Variants in FRMD5 observed in about 807,000 individuals in gnomAD.
The protein encoded by FRMD5 is FERM domain-containing protein 5.
Under a neutral mutation model 69.0 loss-of-function variants are expected in FRMD5, and 20 were observed. That is an observed-to-expected ratio of 0.29 (90% confidence interval 0.20 to 0.42). The LOEUF (loss-of-function observed/expected upper bound fraction) is 0.42, where lower values mean the gene tolerates loss of function less well. FRMD5 is among the 10% of genes least tolerant of loss of function. FRMD5 has a pLI of 1.00. For synonymous variants in FRMD5, 271 were observed against 260.1 expected (o/e 1.04, Z -0.40); for missense variants, 595 against 708.6 (o/e 0.84, Z 1.82).
chr15:43,902,502 G>T (rs977708690), intron 6 of FRMD5, among the ~76,000 whole-genome samples: 2 of 151,976 alleles, frequency 1.3e-5, no homozygotes, highest in African/African-American at 4.8e-5. Flanking sequence ...TAAACAATGG[G>T]GAGTGGTGGG....
chr15:43,923,418 G>T (rs140706264), intron 2 of FRMD5, among the ~76,000 whole-genome samples: 6 of 152,310 alleles, frequency 3.9e-5, no homozygotes, highest in African/African-American at 1.4e-4. Context: ...TTTCCCAGAG[G>T]AAGTAAAAGT....
At chr15:43,946,607 G>C (rs191076390) in intron 1 of FRMD5, among the ~76,000 whole-genome samples, 1 of 152,176 alleles carries the variant, frequency 6.6e-6, no homozygotes, top group Non-Finnish European at 1.5e-5. Context: ...GAGTCTTAGG[G>C]GAGGGAAAGG....
intron 1 of FRMD5, among the ~76,000 whole-genome samples, chr15:43,931,290 A>G (rs1203076915): frequency 6.6e-6 from 1 of 152,226 alleles, no homozygotes; most frequent in Non-Finnish European, 1.5e-5. Context: ...TCACAGCTGC[A>G]GAACTACTGG....
At chr15:44,027,135 C>G (rs1231609598) in intron 1 of FRMD5, among the ~76,000 whole-genome samples, 1 of 152,192 alleles carries the variant, frequency 6.6e-6, no homozygotes, top group East Asian at 1.9e-4. Flanking sequence ...CCAGAATTAA[C>G]CCACCACTGA....
intron 7 of FRMD5, among the ~76,000 whole-genome samples, chr15:43,892,839 C>T (rs996565113): frequency 2.6e-5 from 4 of 152,176 alleles, no homozygotes; most frequent in African/African-American, 4.8e-5. Context: ...AGCAGTGGCT[C>T]GTGCTTATAA....
At chr15:44,044,808 T>C (rs1296811175) in intron 1 of FRMD5, among the ~76,000 whole-genome samples, 1 of 152,156 alleles carries the variant, frequency 6.6e-6, no homozygotes, top group Non-Finnish European at 1.5e-5. Context: ...AAATACCTAA[T>C]GTAAATGACT....
intron 1 of FRMD5, among the ~76,000 whole-genome samples, chr15:44,104,181 T>G (rs1306798300): frequency 6.6e-6 from 1 of 152,224 alleles, no homozygotes; most frequent in African/African-American, 2.4e-5. Context: ...TAACAAAGTT[T>G]AAAAAGTAAA....
chr15:44,060,110 G>A (rs534036132), intron 1 of FRMD5, among the ~76,000 whole-genome samples: 2 of 152,188 alleles, frequency 1.3e-5, no homozygotes, highest in Non-Finnish European at 2.9e-5. Flanking sequence ...AGAAGCAGAG[G>A]TTGGAAATGA....
intron 1 of FRMD5, among the ~76,000 whole-genome samples, chr15:44,173,978 GA>G (rs1458841245): frequency 3.3e-5 from 5 of 151,858 alleles, no homozygotes; most frequent in Non-Finnish European, 7.4e-5. Context: ...GCTGATCACA[GA>G]AGTTAGGTGA....
At chr15:44,194,029 T>C (rs912442657) in intron 1 of FRMD5, among the ~76,000 whole-genome samples, 6 of 152,210 alleles carry the variant, frequency 3.9e-5, no homozygotes, top group African/African-American at 1.4e-4. Context: ...TCCTGGCTGA[T>C]GAACTAAACA....
At chr15:43,900,830 G>A (rs937057464) in intron 7 of FRMD5, among the ~76,000 whole-genome samples, 6 of 151,998 alleles carry the variant, frequency 3.9e-5, no homozygotes, top group Non-Finnish European at 8.8e-5. Context: ...TGTTGTCCAG[G>A]ATGGTCTTGA....
intron 1 of FRMD5, among the ~76,000 whole-genome samples, chr15:44,174,456 A>G (rs2077858564): frequency 6.6e-6 from 1 of 152,202 alleles, no homozygotes; most frequent in Non-Finnish European, 1.5e-5. Context: ...ATTGTCATTT[A>G]TAACCTCTGA....
intron 13 of FRMD5, among the ~76,000 whole-genome samples, chr15:43,879,296 TCTC>T (rs1375407883): frequency 1.3e-5 from 2 of 152,112 alleles, no homozygotes; most frequent in East Asian, 1.9e-4. Flanking sequence ...TATCAGTTGG[TCTC>T]CTCCCTTAAC....
intron 1 of FRMD5, among the ~76,000 whole-genome samples, chr15:44,029,182 C>A (rs1891568222): frequency 6.6e-6 from 1 of 151,996 alleles, no homozygotes; most frequent in Non-Finnish European, 1.5e-5. Flanking sequence ...CATTTTGGCA[C>A]CAAGCCAAAA....
At chr15:44,183,076 G>A (rs2078036979) in intron 1 of FRMD5, among the ~76,000 whole-genome samples, 1 of 152,122 alleles carries the variant, frequency 6.6e-6, no homozygotes, top group East Asian at 1.9e-4. Context: ...AGGATTACAG[G>A]CGTTAGCCAC....
chr15:44,095,904 C>T (rs1266862308), intron 1 of FRMD5, among the ~76,000 whole-genome samples: 6 of 152,162 alleles, frequency 3.9e-5, no homozygotes, highest in Non-Finnish European at 5.9e-5. Flanking sequence ...CTGACCTACT[C>T]TTACTACATA....
chr15:43,942,402 CATT>C lies in FRMD5; in HGVS notation c.103-18096_103-18094del, dbSNP rs563432169. Among the ~76,000 whole-genome samples the C allele has an allele frequency of 6.4e-4, 97 of 152,328 alleles. 1 individual carries two copies. The highest frequency in any genetic ancestry group is 1.2e-3 in the Admixed American group (18 of 15,302). On this transcript the variant is annotated intron_variant, in intron 1 of 13. Coordinates refer to ENST00000417257, the MANE Select transcript of FRMD5 (RefSeq NM_032892.5). Reference sequence around the variant, plus strand: ...TTCCAAATGCAGCAACACCGAAACTCATTATAGTTTTAACAGCTTGCTTTTCAG... The same window carrying C: ...TTCCAAATGCAGCAACACCGAAACTCATAGTTTTAACAGCTTGCTTTTCAG...
chr15:44,012,147 A>G (rs1414537695), intron 1 of FRMD5, among the ~76,000 whole-genome samples: 1 of 152,190 alleles, frequency 6.6e-6, no homozygotes, highest in African/African-American at 2.4e-5. Context: ...AAATCTCCCT[A>G]AGAAATCCTA....
At chr15:44,049,674 T>C (rs1892573390) in intron 1 of FRMD5, among the ~76,000 whole-genome samples, 1 of 152,212 alleles carries the variant, frequency 6.6e-6, no homozygotes, top group Non-Finnish European at 1.5e-5. Flanking sequence ...TTCTGTCATC[T>C]CCATTTGCAT....
Sources: gnomAD v4.1 joint callset for allele counts (sites outside exome capture counted in the v4.1 genomes callset) on GRCh38, gnomAD v4.1.1 for gene constraint, MANE v1.5 for transcripts, NCBI Gene and HGNC (gene_info 2026-07-23, HGNC 2026-07-21) for gene names.